Variants in MDN1 observed in about 807,000 individuals in gnomAD.
MDN1 encodes the protein midasin.
A neutral mutation model predicts 669.2 loss-of-function variants in MDN1; 266 were observed. The ratio of observed to expected loss-of-function variants is 0.40; its 90% CI spans 0.36 to 0.44. The LOEUF (loss-of-function observed/expected upper bound fraction) is 0.44. Ranked by LOEUF, MDN1 falls within the 20% of genes least tolerant of loss-of-function variation. The pLI, the probability that MDN1 is intolerant of heterozygous loss-of-function variation, is 1.00. For missense variants in MDN1, 5,940 were observed against 6,754.0 expected (o/e 0.88, Z 4.22); for synonymous variants, 2,385 against 2,457.1 (o/e 0.97, Z 0.87).
chr6:89,681,000 C>A (rs766980136), intron 73 of MDN1, among the ~76,000 whole-genome samples: 3 of 152,118 alleles, frequency 2.0e-5, no homozygotes, highest in Non-Finnish European at 2.9e-5. Flanking sequence ...GCTATGATAG[C>A]CACAAGGAGA....
At chr6:89,649,052 T>C (rs1379882093) in intron 97 of MDN1, among the ~76,000 whole-genome samples, 1 of 152,092 alleles carries the variant, frequency 6.6e-6, no homozygotes, top group East Asian at 1.9e-4. Flanking sequence ...TTTTTCTTTC[T>C]TCTTTTTTGG....
chr6:89,750,908 T>C (rs1288380977), intron 23 of MDN1, among the ~76,000 whole-genome samples: 1 of 78,514 alleles, frequency 1.3e-5, no homozygotes, highest in East Asian at 4.2e-4. Context: ...TGGCCAAGTA[T>C]TATTTTGGTT....
Position 89,692,745 on chromosome 6 carries a change from C to T in MDN1, c.10285G>A (p.Ala3429Thr), listed in dbSNP as rs2128308308. The change falls in exon 63 of 102, where the codon GCA becomes ACA. Residue 3429 changes from alanine (A) to threonine (T), a missense_variant. Ala to Thr is a moderately conservative substitution (Grantham distance 58). Transcript: ENST00000369393. ...HTSLHSSMVG[A>T]DRLGTLATAL... is the part of the protein sequence containing the mutation. Reference sequence around the variant, plus strand: ...GTGGCCAGGGTCCCCAGCCTGTCTGCACCAACCATACTGCTGTGGAGTGAG... The same window carrying T: ...GTGGCCAGGGTCCCCAGCCTGTCTGTACCAACCATACTGCTGTGGAGTGAG... 6.2e-7 allele frequency: 1 copy of T among 1,613,964 alleles called. No individual in the cohort carries two copies. Among genetic ancestry groups the T allele is most frequent in the Non-Finnish European group, 8.5e-7 (1 of 1,179,880 alleles).
At chr6:89,781,895 G>A (rs1483789172) in intron 9 of MDN1, among the ~76,000 whole-genome samples, 1 of 152,132 alleles carries the variant, frequency 6.6e-6, no homozygotes, top group Non-Finnish European at 1.5e-5. Flanking sequence ...TGAGCAGGGA[G>A]GATCATCTGA....
At chr6:89,799,872 T>C (rs1236049213) in intron 2 of MDN1, among the ~76,000 whole-genome samples, 1 of 152,188 alleles carries the variant, frequency 6.6e-6, no homozygotes, top group Non-Finnish European at 1.5e-5. Context: ...TAATTTCCGA[T>C]GCAGTAAGAG....
rs1423371775 is a variant in MDN1 at position 89,718,772 on chromosome 6, C to G, written c.6316G>C (p.Glu2106Gln). The G allele has an allele frequency of 1.2e-6, 2 of 1,613,440 alleles. No homozygotes were observed. The highest frequency in any genetic ancestry group is 1.7e-6 in the Non-Finnish European group (2 of 1,179,450). The change falls in exon 42 of 102, where the codon GAG (glutamate) becomes CAG (glutamine). Residue 2106 changes from glutamate (E) to glutamine (Q), a missense_variant. Around this residue, in one of 5 missense-constraint regions of MDN1, gnomAD observed 2,292 missense variants for 2,638.3 expected, o/e 0.87. Transcript: ENST00000369393. ...MDTTELLGGF[E>Q]QVDLIRPWRR... ...TATGAAGGCAGACTGGTTACCTGCTCAAATCCACCCAGCAGCTCAGTAGTA... is the reference window on the plus strand; with the variant it reads ...TATGAAGGCAGACTGGTTACCTGCTGAAATCCACCCAGCAGCTCAGTAGTA...
chr6:89,805,206 C>T (rs1767939012), intron 1 of MDN1, among the ~76,000 whole-genome samples: 1 of 151,966 alleles, frequency 6.6e-6, no homozygotes. Flanking sequence ...GGGGACATGC[C>T]CTTTGACCTT....
chr6:89,685,901 TC>T lies in MDN1; in HGVS notation c.11644del (p.Glu3882SerfsTer18). Reference sequence around the variant, plus strand: ...TAACATCTGAAGTCGCACATGGAACTCTCCCAGCGAGGATCCTTCAATAAAT... The same window carrying T: ...TAACATCTGAAGTCGCACATGGAACTTCCCAGCGAGGATCCTTCAATAAAT... Reference protein sequence around the residue: ...QAFIEGSSLGEFHVRLQMLLV... With the variant: ...QAFIEGSSLGXFHVRLQMLLV... On this transcript the variant is annotated frameshift_variant, in exon 70 of 102. Transcript: ENST00000369393. LOFTEE classifies it high-confidence loss of function. The T allele has an allele frequency of 6.2e-7, 1 of 1,614,090 alleles. No individual in the cohort carries two copies. The highest frequency in any genetic ancestry group is 8.5e-7 in the Non-Finnish European group (1 of 1,180,004).
At chr6:89,729,198 C>T (rs1039786402) in intron 35 of MDN1, 59 bp from the exon 36 acceptor site, 1 of 1,369,212 alleles carries the variant, frequency 7.3e-7, no homozygotes, top group East Asian at 2.4e-5. Flanking sequence ...CACATGTATG[C>T]ATCAACTCAA....
intron 63 of MDN1, among the ~76,000 whole-genome samples, chr6:89,692,025 T>C (rs898729779): frequency 5.9e-5 from 9 of 152,216 alleles, no homozygotes; most frequent in Admixed American, 5.2e-4. Context: ...ATACCTGGTA[T>C]GTTAGCAGCG....
At chr6:89,728,517 C>T (rs2128314615) in intron 36 of MDN1, among the ~76,000 whole-genome samples, 1 of 152,258 alleles carries the variant, frequency 6.6e-6, no homozygotes, top group Non-Finnish European at 1.5e-5. Flanking sequence ...TTGCTGTGGG[C>T]TTTATTATGA....
chr6:89,782,773 T>C (rs951310375), intron 9 of MDN1, among the ~76,000 whole-genome samples: 5 of 152,042 alleles, frequency 3.3e-5, no homozygotes, highest in African/African-American at 1.2e-4. Flanking sequence ...ACCCTGTCTC[T>C]ACTAAAAATT....
intron 1 of MDN1, among the ~76,000 whole-genome samples, chr6:89,811,367 T>C (rs901480029): frequency 2.6e-4 from 40 of 152,098 alleles, no homozygotes; most frequent in Admixed American, 2.6e-3. Context: ...TCAAAGCATC[T>C]TTGACCATGT....
chr6:89,748,123 G>A (rs1302415586), intron 26 of MDN1, among the ~76,000 whole-genome samples: 2 of 151,878 alleles, frequency 1.3e-5, no homozygotes, highest in African/African-American at 2.4e-5. Context: ...TCAGGAGATC[G>A]AGACCATCCT....
At chr6:89,788,066 G>A (rs976452902) in intron 7 of MDN1, 109 bp from the exon 8 acceptor site, 15 of 949,896 alleles carry the variant, frequency 1.6e-5, no homozygotes, top group Admixed American at 1.0e-4. Flanking sequence ...TAAAGGAAAC[G>A]TCAGCTCTCA....
intron 1 of MDN1, among the ~76,000 whole-genome samples, chr6:89,804,573 G>A (rs1203739861): frequency 6.6e-6 from 1 of 152,134 alleles, no homozygotes; most frequent in Non-Finnish European, 1.5e-5. Context: ...GCAGTTAGTA[G>A]ACAAAACTTC....
intron 68 of MDN1, 33 bp from the exon 69 acceptor site, chr6:89,687,056 G>A: frequency 6.2e-7 from 1 of 1,605,186 alleles, no homozygotes. Flanking sequence ...AGGCATTTAG[G>A]AAAACCTATT....
At chr6:89,776,118 C>G (rs1245394375) in intron 12 of MDN1, among the ~76,000 whole-genome samples, 1 of 152,132 alleles carries the variant, frequency 6.6e-6, no homozygotes, top group Non-Finnish European at 1.5e-5. Flanking sequence ...AAAATAAATG[C>G]TCACTAAAAC....
chr6:89,746,611 A>AAAGAAAGAAAGAAAGAAAGAAAG (rs1554191095), intron 27 of MDN1, among the ~76,000 whole-genome samples: 4 of 40,544 alleles, frequency 9.9e-5, no homozygotes, highest in African/African-American at 3.6e-4. Flanking sequence ...AAAAAAAAAA[A>AAAGAAAGAAAGAAAGAAAGAAAG]AAAGAAAGAA....
Sources: gnomAD v4.1 joint callset for allele counts (sites outside exome capture counted in the v4.1 genomes callset) on GRCh38, gnomAD v4.1.1 for gene constraint, gnomAD v4.1.1 regional missense constraint, MANE v1.5 for transcripts, NCBI Gene and HGNC (gene_info 2026-07-23, HGNC 2026-07-21) for gene names.